The following FIGN variants were observed in gnomAD, a reference collection of about 807,000 sequenced individuals.
The protein encoded by FIGN is fidgetin, microtubule severing factor.
A neutral mutation model predicts 51.3 loss-of-function variants in FIGN; 11 were observed. The observed-to-expected ratio is 0.21, with a 90% CI of 0.13 to 0.35. The LOEUF (loss-of-function observed/expected upper bound fraction) is 0.35. Among genes scored for constraint, FIGN ranks in the 10% least tolerant of loss-of-function variants. The pLI, the probability that FIGN is intolerant of heterozygous loss-of-function variation, is 1.00. For missense variants in FIGN, 857 were observed against 943.6 expected (o/e 0.91, Z 1.20); for synonymous variants, 407 against 363.2 (o/e 1.12, Z -1.37).
intron 2 of FIGN, among the ~76,000 whole-genome samples, chr2:163,690,650 A>G (rs1282685411): frequency 6.6e-6 from 1 of 152,178 alleles, no homozygotes; most frequent in Non-Finnish European, 1.5e-5. Context: ...TGTAAATATT[A>G]AAGAAGTCTG....
At chr2:163,701,019 A>T (rs1684400284) in intron 2 of FIGN, among the ~76,000 whole-genome samples, 1 of 152,132 alleles carries the variant, frequency 6.6e-6, no homozygotes, top group Non-Finnish European at 1.5e-5. Flanking sequence ...TTATAGTACA[A>T]TTACTAAGGA....
intron 2 of FIGN, among the ~76,000 whole-genome samples, chr2:163,723,846 C>T (rs1684797731): frequency 2.0e-5 from 3 of 152,130 alleles, no homozygotes; most frequent in Admixed American, 2.0e-4. Context: ...TGCATGCAAC[C>T]AATTAGTAAG....
intron 2 of FIGN, among the ~76,000 whole-genome samples, chr2:163,614,446 ACTGT>A (rs1682834445): frequency 1.3e-5 from 2 of 152,200 alleles, no homozygotes; most frequent in African/African-American, 2.4e-5. Flanking sequence ...GTAATGTAGA[ACTGT>A]CTAAGAGACC....
intron 2 of FIGN, among the ~76,000 whole-genome samples, chr2:163,660,271 T>C (rs991262593): frequency 1.3e-5 from 2 of 152,162 alleles, no homozygotes; most frequent in Admixed American, 1.3e-4. Flanking sequence ...CAAACTTTCA[T>C]AATAATATTC....
chr2:163,697,104 C>CTTTTT (rs1327854249), intron 2 of FIGN, among the ~76,000 whole-genome samples: 1 of 109,734 alleles, frequency 9.1e-6, no homozygotes, highest in African/African-American at 3.5e-5. Flanking sequence ...TCTTTTCTTT[C>CTTTTT]TTTTTTTTTT....
rs1033619217 is a variant in FIGN, at chr2:163,603,250, A to C, written c.*6302T>G. 2.6e-5 allele frequency: 4 copies of C among 152,080 alleles called. No homozygotes were observed. Among genetic ancestry groups the C allele is most frequent in the Admixed American group, 6.6e-5 (1 of 15,222 alleles). The allele number at this position is 152,080 out of a possible 1,614,324, so 9.4% of individuals were successfully genotyped here. On this transcript the variant is annotated 3_prime_UTR_variant, in exon 3 of 3. Coordinates refer to ENST00000333129, the MANE Select transcript of FIGN (RefSeq NM_018086.4). ...TAATGCACACAAAAAAATGATTTGA[A>C]ATTTGCAGAACAAATAAGGAAACAG...
chr2:163,603,174 T>G lies in FIGN; in HGVS notation c.*6378A>C, dbSNP rs1435068715. The G allele has an allele frequency of 6.6e-6, 1 of 152,154 alleles. No individual in the cohort carries two copies. Among genetic ancestry groups the G allele is most frequent in the South Asian group, 2.1e-4 (1 of 4,836 alleles). 9.4% of individuals were successfully genotyped at this position (152,154 alleles called of 1,614,324 possible). Reference sequence around the variant, plus strand: ...TTTTTTCCAAGAGAAATGGATTGTTTCATTTTTAATGAGTGCAATAATAAC... The same window carrying G: ...TTTTTTCCAAGAGAAATGGATTGTTGCATTTTTAATGAGTGCAATAATAAC... On this transcript the variant is annotated 3_prime_UTR_variant, in exon 3 of 3. Transcript: ENST00000333129.
chr2:163,694,039 C>A (rs575164086), intron 2 of FIGN, among the ~76,000 whole-genome samples: 1 of 152,258 alleles, frequency 6.6e-6, no homozygotes, highest in East Asian at 1.9e-4. Flanking sequence ...CTGGAGCATC[C>A]AGCAGCTCTC....
chr2:163,718,517 C>T (rs1684704526), intron 2 of FIGN, among the ~76,000 whole-genome samples: 1 of 152,074 alleles, frequency 6.6e-6, no homozygotes, highest in Non-Finnish European at 1.5e-5. Context: ...CCCAAGGGTG[C>T]CATCTAAGTA....
At chr2:163,615,406 C>T (rs769288697) in intron 2 of FIGN, among the ~76,000 whole-genome samples, 3 of 152,048 alleles carry the variant, frequency 2.0e-5, no homozygotes, top group Admixed American at 2.0e-4. Context: ...AAGTACAGAG[C>T]CTTTTGGTTG....
intron 2 of FIGN, among the ~76,000 whole-genome samples, chr2:163,679,387 T>G (rs1307242901): frequency 6.6e-6 from 1 of 151,956 alleles, no homozygotes; most frequent in African/African-American, 2.4e-5. Context: ...TCCCAGTTAC[T>G]TGGGAGGCTG....
At chr2:163,636,453 T>C (rs957434770) in intron 2 of FIGN, among the ~76,000 whole-genome samples, 4 of 152,068 alleles carry the variant, frequency 2.6e-5, no homozygotes, top group Non-Finnish European at 4.4e-5. Flanking sequence ...GCCCAGCTAA[T>C]CTTGTATTTT....
chr2:163,684,575 A>G (rs1684115767), intron 2 of FIGN, among the ~76,000 whole-genome samples: 1 of 152,184 alleles, frequency 6.6e-6, no homozygotes, highest in Non-Finnish European at 1.5e-5. Context: ...TTCTCTTTCA[A>G]GCACACAATC....
chr2:163,728,434 ACAC>A (rs1365403115), intron 2 of FIGN, among the ~76,000 whole-genome samples: 2 of 150,302 alleles, frequency 1.3e-5, no homozygotes, highest in Non-Finnish European at 2.9e-5. Flanking sequence ...ACACACACAC[ACAC>A]AAAGTTCCTT....
At chr2:163,681,270 A>G (rs1337688887) in intron 2 of FIGN, among the ~76,000 whole-genome samples, 1 of 152,070 alleles carries the variant, frequency 6.6e-6, no homozygotes, top group East Asian at 1.9e-4. Flanking sequence ...GAAACGCTTC[A>G]TTAAACTGCT....
In FIGN at chr2:163,611,045, T is replaced by C; in HGVS notation, c.787A>G (p.Ser263Gly). ...PPQTAVGSGY[S>G]PGGAPPPPSA... ...GGCGGAGGCGGTGCCCCCCCAGGGC[T>C]GTACCCAGACCCCACAGCAGTCTGA... Residue 263 changes from serine (S) to glycine (G), a missense_variant, in exon 3 of 3, where the codon AGC becomes GGC. Ser to Gly is a moderately conservative substitution (Grantham distance 56). Around this residue, in one of 3 missense-constraint regions of FIGN, gnomAD observed 799 missense variants for 849.5 expected, o/e 0.94. Transcript: ENST00000333129. 2 of 1,613,954 alleles carry C rather than the reference T, an allele frequency of 1.2e-6. No individual in the cohort carries two copies. Among genetic ancestry groups the C allele is most frequent in the South Asian group, 2.2e-5 (2 of 91,084 alleles).
chr2:163,625,167 G>A (rs1169254005), intron 2 of FIGN, among the ~76,000 whole-genome samples: 1 of 151,840 alleles, frequency 6.6e-6, no homozygotes, highest in African/African-American at 2.4e-5. Context: ...TAGCTATCAA[G>A]TCTTTCTTCA....
At chr2:163,680,448 A>G (rs2105338728) in intron 2 of FIGN, among the ~76,000 whole-genome samples, 1 of 152,198 alleles carries the variant, frequency 6.6e-6, no homozygotes, top group East Asian at 1.9e-4. Context: ...AGACAGCCTC[A>G]ATTCTCTGTA....
intron 2 of FIGN, among the ~76,000 whole-genome samples, chr2:163,613,192 GC>G (rs1350322253): frequency 6.6e-6 from 1 of 151,820 alleles, no homozygotes; most frequent in African/African-American, 2.4e-5. Context: ...TTTTCCCATT[GC>G]TGGCTCATCT....
Sources: gnomAD v4.1 joint callset for allele counts (sites outside exome capture counted in the v4.1 genomes callset) on GRCh38, gnomAD v4.1.1 for gene constraint, gnomAD v4.1.1 regional missense constraint, MANE v1.5 for transcripts, NCBI Gene and HGNC (gene_info 2026-07-23, HGNC 2026-07-21) for gene names.